Variants in ROBO2 observed in about 807,000 individuals in gnomAD.
The protein encoded by ROBO2 is roundabout homolog 2.
ROBO2 carries 53 observed loss-of-function variants against 160.8 expected under a neutral mutation model. The ratio of observed to expected loss-of-function variants is 0.33; its 90% confidence interval spans 0.26 to 0.41. The LOEUF (loss-of-function observed/expected upper bound fraction) is 0.41. ROBO2 is among the 10% of genes least tolerant of loss of function. The pLI, the probability that ROBO2 is intolerant of heterozygous loss-of-function variation, is 1.00. For synonymous variants in ROBO2, 664 were observed against 611.7 expected, an observed-to-expected ratio of 1.09 and a Z score of -1.26; for missense variants, 1,577 against 1,722.4, an observed-to-expected ratio of 0.92 and a Z score of 1.49.
intron 5 of ROBO2, among the ~76,000 whole-genome samples, chr3:77,501,691 C>G (rs1357078954): frequency 6.6e-6 from 1 of 151,336 alleles, no homozygotes; most frequent in Admixed American, 6.6e-5. Context: ...AGAATCACGG[C>G]AATATTTTTT....
chr3:76,380,103 G>C (rs935230273), intron 2 of ROBO2, among the ~76,000 whole-genome samples: 2 of 151,636 alleles, frequency 1.3e-5, no homozygotes, highest in African/African-American at 4.8e-5. Context: ...CATTTTTGGT[G>C]GGTTTTTGGA....
At chr3:77,121,225 G>A (rs544109475) in intron 2 of ROBO2, among the ~76,000 whole-genome samples, 18 of 152,128 alleles carry the variant, frequency 1.2e-4, no homozygotes, top group African/African-American at 3.9e-4. Flanking sequence ...GATTAAAGGC[G>A]TGAGCCACCG....
rs372280147 is a variant in ROBO2, at chr3:76,934,491, C to T, written c.110-163523C>T. On this transcript the variant is annotated intron_variant, in intron 2 of 26. Coordinates refer to the ROBO2 transcript ENST00000487694. ...GGCATGGTGGCCCACACCTATAATC[C>T]GAGCACTTTAGGAGAACGAGAGGGC... Among the ~76,000 whole-genome samples, 155 of 152,102 alleles carry T rather than the reference C, an allele frequency of 1.0e-3. 4 individuals are homozygous for T. In the South Asian group the frequency reaches 0.016, roughly 16 times the overall value.
intron 2 of ROBO2, among the ~76,000 whole-genome samples, chr3:77,174,857 G>A (rs2079981766): frequency 6.6e-6 from 1 of 151,930 alleles, no homozygotes; most frequent in Non-Finnish European, 1.5e-5. Flanking sequence ...TGGAGAAAAG[G>A]AATTATGTTT....
intron 2 of ROBO2, among the ~76,000 whole-genome samples, chr3:76,526,697 T>C (rs1489404686): frequency 6.6e-6 from 1 of 152,030 alleles, no homozygotes; most frequent in Non-Finnish European, 1.5e-5. Flanking sequence ...AGCTGAATTG[T>C]TGCAACTCAA....
intron 2 of ROBO2, among the ~76,000 whole-genome samples, chr3:77,175,190 C>T (rs1579647987): frequency 6.6e-6 from 1 of 152,022 alleles, no homozygotes; most frequent in Non-Finnish European, 1.5e-5. Flanking sequence ...ATTGTTAGAA[C>T]CAGAGTTTGT....
chr3:77,111,077 A>G lies in ROBO2; in HGVS notation c.388+12737A>G, dbSNP rs991281520. On this transcript the variant is annotated intron_variant, in intron 2 of 25. Coordinates refer to ENST00000461745, the Ensembl canonical transcript of ROBO2. ...GGTGAAGAATAAAGCATTAACCAAA[A>G]GACAAAATTAATAAATTTGACTTTA... 3.9e-5 allele frequency among the ~76,000 whole-genome samples: 6 copies of G among 152,356 alleles called. No individual in the cohort carries two copies. In the East Asian group the frequency reaches 9.6e-4, roughly 24 times the overall value.
rs765386345 is a variant in ROBO2, at chr3:76,133,748, G to A, written c.109+196146G>A. 3.5e-4 allele frequency among the ~76,000 whole-genome samples: 53 copies of A among 152,066 alleles called. 1 individual carries two copies. The highest frequency in any genetic ancestry group is 1.5e-4 in the Non-Finnish European group (10 of 68,006). ...ATGGGAGAAAGATGGAGGTCAGAAG[G>A]CCCAGTCAGTCTAGTCCTTCCACCT... On this transcript the variant is annotated intron_variant, in intron 2 of 26. Coordinates refer to the ROBO2 transcript ENST00000487694.
chr3:77,361,779 AC>A (rs1438952318), intron 2 of ROBO2, among the ~76,000 whole-genome samples: 6 of 152,150 alleles, frequency 3.9e-5, no homozygotes, highest in Admixed American at 1.3e-4. Flanking sequence ...TTTTGGAGGG[AC>A]ATGAACATTC....
At chr3:76,320,923 T>C (rs1183939687) in intron 2 of ROBO2, among the ~76,000 whole-genome samples, 1 of 152,220 alleles carries the variant, frequency 6.6e-6, no homozygotes, top group Non-Finnish European at 1.5e-5. Context: ...AACGTAGATA[T>C]ACTGTACTAT....
chr3:75,919,352 T>C (rs964112296), intron 1 of ROBO2, among the ~76,000 whole-genome samples: 13 of 152,188 alleles, frequency 8.5e-5, no homozygotes, highest in African/African-American at 2.9e-4. Context: ...TTGATTTGCG[T>C]ATGTTGAACC....
Position 76,657,450 on chromosome 3 carries a change from T to TA in ROBO2, c.110-440553dup, listed in dbSNP as rs1163149744. Among the ~76,000 whole-genome samples, 1,242 of 143,404 alleles carry TA rather than the reference T, an allele frequency of 8.7e-3. 9 individuals are homozygous for TA. The highest frequency in any genetic ancestry group is 0.028 in the African/African-American group (1,091 of 39,232). 94.1% of individuals were successfully genotyped at this position (143,404 alleles called of 152,430 possible). A position where few individuals can be genotyped will look rare whatever the true frequency, so the allele number is the denominator to read the frequency against. ...AAACAAACAAACAAAAAAATTACAT[T>TA]AAAAAAAAAAATTGGCCAGCTGCGG... On this transcript the variant is annotated intron_variant, in intron 2 of 26. Coordinates refer to the ROBO2 transcript ENST00000487694.
chr3:76,931,760 C>A (rs143424537), intron 2 of ROBO2, among the ~76,000 whole-genome samples: 1 of 152,138 alleles, frequency 6.6e-6, no homozygotes, highest in African/African-American at 2.4e-5. Flanking sequence ...CAGCTCACTG[C>A]AGCCTTTGCT....
rs190837004 is a variant in ROBO2, at chr3:77,426,192, C to A, written c.389-51222C>A. Among the ~76,000 whole-genome samples, 5 of 152,184 alleles carry A rather than the reference C, an allele frequency of 3.3e-5. No individual in the cohort carries two copies. In the East Asian group the frequency reaches 9.7e-4, roughly 29 times the overall value. On this transcript the variant is annotated intron_variant, in intron 2 of 25. Coordinates refer to ENST00000461745, the Ensembl canonical transcript of ROBO2. ...GGCAGTGGAAATGGAGCAAAGTGAG[C>A]ATATTCTAGAAATACTTGGGACATT...
At chr3:76,820,439 G>A (rs1294417568) in intron 2 of ROBO2, among the ~76,000 whole-genome samples, 1 of 151,816 alleles carries the variant, frequency 6.6e-6, no homozygotes, top group Non-Finnish European at 1.5e-5. Context: ...ATTGCATTAG[G>A]TAATTTTAAT....
intron 2 of ROBO2, among the ~76,000 whole-genome samples, chr3:76,966,715 T>A (rs944537907): frequency 2.0e-5 from 3 of 152,224 alleles, no homozygotes. Flanking sequence ...TCATTGCTAT[T>A]CTCACCTATG....
intron 2 of ROBO2, among the ~76,000 whole-genome samples, chr3:77,288,722 A>G (rs1308268078): frequency 6.6e-6 from 1 of 152,188 alleles, no homozygotes; most frequent in Admixed American, 6.6e-5. Context: ...CAACGGATCT[A>G]CAATTAGAGG....
At chr3:77,223,504 A>G (rs4684028) in intron 2 of ROBO2, among the ~76,000 whole-genome samples, 52,933 of 151,930 alleles carry the variant, frequency 0.35, 10,344 homozygotes, top group Middle Eastern at 0.53. Flanking sequence ...TGAGTCCTGT[A>G]GAATATTAAC....
intron 21 of ROBO2, among the ~76,000 whole-genome samples, chr3:77,610,218 C>A (rs2094601683): frequency 6.6e-6 from 1 of 152,072 alleles, no homozygotes; most frequent in East Asian, 1.9e-4. Flanking sequence ...AAAAAGAAAT[C>A]TTCAGAATTG....
Sources: allele counts gnomAD v4.1 joint callset (sites outside exome capture counted in the v4.1 genomes callset), GRCh38; gene constraint gnomAD v4.1.1; transcripts MANE v1.5; gene names NCBI Gene and HGNC (gene_info 2026-07-23, HGNC 2026-07-21).